Variants in CD300LG observed in about 807,000 individuals in gnomAD.
CD300LG encodes CMRF35-like molecule 9.
Under a neutral mutation model 31.5 loss-of-function variants are expected in CD300LG, and 29 were observed. The ratio of observed to expected loss-of-function variants is 0.92; its 90% CI spans 0.68 to 1.25. The LOEUF (loss-of-function observed/expected upper bound fraction) is 1.25. Ranked by LOEUF, CD300LG falls within the 50% of genes most tolerant of loss-of-function variation. The pLI is 0.00. For synonymous variants in CD300LG, 175 were observed against 177.2 expected (o/e 0.99, Z 0.10); for missense variants, 396 against 417.6 (o/e 0.95, Z 0.45).
chr17:43,860,929 G>A (rs948079036), intron 6 of CD300LG, among the ~76,000 whole-genome samples: 111 of 152,204 alleles, frequency 7.3e-4, no homozygotes, highest in African/African-American at 2.7e-3. Flanking sequence ...GAGCTTCAGA[G>A]AGGTGAGACA....
At chr17:43,850,930 T>A (rs1200121893) in intron 2 of CD300LG, among the ~76,000 whole-genome samples, 1 of 150,032 alleles carries the variant, frequency 6.7e-6, no homozygotes, top group Non-Finnish European at 1.5e-5. Flanking sequence ...AGGTCAGGAG[T>A]TCAAGACCAG....
chr17:43,848,661 CTGGTGCAGGAAGGG>C lies in CD300LG; in HGVS notation c.151_164del (p.Cys51AspfsTer28). ...AAGAGCTGAGGGACCACCGGAAGTA[CTGGTGCAGGAAGGG>C]TGGGATCCTCTTCTCTCGCTGCTCT... is the stretch of plus-strand genomic sequence containing the variant. On this transcript the variant is annotated frameshift_variant, in exon 2 of 7. Coordinates refer to ENST00000317310, the MANE Select transcript of CD300LG (RefSeq NM_145273.4). LOFTEE classifies it high-confidence loss of function. The C allele has an allele frequency of 6.2e-7, 1 of 1,614,144 alleles. No individual in the cohort carries two copies. Among genetic ancestry groups the C allele is most frequent in the Non-Finnish European group, 8.5e-7 (1 of 1,180,024 alleles).
chr17:43,851,712 G>A (rs1015800866), intron 2 of CD300LG, among the ~76,000 whole-genome samples: 4 of 146,606 alleles, frequency 2.7e-5, no homozygotes, highest in African/African-American at 7.7e-5. Flanking sequence ...GCAGTGGCGC[G>A]ATCTCGGCTA....
intron 2 of CD300LG, chr17:43,849,931 T>G (rs1181687910): frequency 1.3e-5 from 2 of 152,220 alleles, no homozygotes; most frequent in African/African-American, 4.8e-5. Flanking sequence ...CCACATTGAA[T>G]CTGTTCTTCA....
At chr17:43,857,620 AG>A in intron 6 of CD300LG, 1 of 1,129,686 alleles carries the variant, frequency 8.9e-7, no homozygotes, top group Non-Finnish European at 1.3e-6. Context: ...TGAACCCTCC[AG>A]GGGTGGGGTC....
chr17:43,861,338 A>G (rs936809567), intron 6 of CD300LG: 1 of 960,982 alleles, frequency 1.0e-6, no homozygotes, highest in Non-Finnish European at 1.2e-6. Flanking sequence ...AAGTGGAAGG[A>G]GGCCTTTTCC....
At position 43,857,110 on chromosome 17, in the gene CD300LG, A is replaced by G. The variant is rs1567854444; in HGVS notation, c.839A>G (p.Gln280Arg). ...HLLLWRKEAQ[Q>R]ATETQRNEKF... Reference sequence around the variant, plus strand: ...CCTTCTACATCTCTTTCAGCTCAACAGGCCACGGAGACACAGAGGAACGAG... The same window carrying G: ...CCTTCTACATCTCTTTCAGCTCAACGGGCCACGGAGACACAGAGGAACGAG... The change falls in exon 6 of 7, where the codon CAG becomes CGG. Residue 280 changes from glutamine (Q) to arginine (R), a missense_variant. Physicochemically the swap from Gln to Arg is conservative, Grantham distance 43. Transcript: ENST00000317310. 2 of 1,614,078 alleles carry G rather than the reference A, an allele frequency of 1.2e-6. No individual in the cohort carries two copies. Among genetic ancestry groups the G allele is most frequent in the Non-Finnish European group, 1.7e-6 (2 of 1,179,978 alleles).
At chr17:43,850,720 T>C (rs2046324314) in intron 2 of CD300LG, among the ~76,000 whole-genome samples, 1 of 152,160 alleles carries the variant, frequency 6.6e-6, no homozygotes, top group Non-Finnish European at 1.5e-5. Flanking sequence ...TCAAGCCATC[T>C]GCCTGCCTCA....
intron 4 of CD300LG, 131 bp downstream of exon 4, chr17:43,854,175 CAG>C (rs1247477505): frequency 2.9e-6 from 2 of 693,780 alleles, no homozygotes; most frequent in African/African-American, 1.8e-5. Context: ...GCCTGCAGCA[CAG>C]AGAGTCCCTC....
At chr17:43,847,312 G>A (rs1261359728) in intron 1 of CD300LG, 53 bp downstream of exon 1, 1 of 1,595,584 alleles carries the variant, frequency 6.3e-7, no homozygotes, top group Non-Finnish European at 8.6e-7. Flanking sequence ...CTTGTGGTCT[G>A]CAGGGAAAGG....
chr17:43,861,855 C>T lies in CD300LG; in HGVS notation c.943C>T (p.Pro315Ser), dbSNP rs913976723. 8 of 1,612,666 alleles carry T rather than the reference C, an allele frequency of 5.0e-6. No individual in the cohort carries two copies. In the African/African-American group the frequency reaches 8.0e-5, roughly 16 times the overall value. ...CCCTGAGGGGGACGTGATCTCGATGCCTCCCCTCCACACATCTGAGGAGGA... is the reference window on the plus strand; with the variant it reads ...CCCTGAGGGGGACGTGATCTCGATGTCTCCCCTCCACACATCTGAGGAGGA... The part of the protein sequence containing the change: ...QAPEGDVISM[P>S]PLHTSEEELG... The change falls in exon 7 of 7, where the codon CCT becomes TCT. Residue 315 changes from proline (P) to serine (S), a missense_variant. Physicochemically the swap from Pro to Ser is moderately conservative, Grantham distance 74. Coordinates refer to ENST00000317310, the MANE Select transcript of CD300LG (RefSeq NM_145273.4).
chr17:43,850,719 C>T (rs2046324195), intron 2 of CD300LG, among the ~76,000 whole-genome samples: 1 of 152,154 alleles, frequency 6.6e-6, no homozygotes, highest in African/African-American at 2.4e-5. Context: ...CTCAAGCCAT[C>T]TGCCTGCCTC....
At chr17:43,852,291 C>G (rs1010579999) in intron 2 of CD300LG, among the ~76,000 whole-genome samples, 2 of 151,850 alleles carry the variant, frequency 1.3e-5, no homozygotes, top group Non-Finnish European at 2.9e-5. Context: ...CTGCAATCAC[C>G]GCAACCTCTC....
At chr17:43,857,995 G>A in intron 6 of CD300LG, 1 of 1,482,112 alleles carries the variant, frequency 6.7e-7, no homozygotes. Context: ...CTCCAACGGA[G>A]GGGGCTGCAG....
chr17:43,847,411 G>A, intron 1 of CD300LG, 152 bp downstream of exon 1: 2 of 747,932 alleles, frequency 2.7e-6, no homozygotes, highest in South Asian at 2.2e-5. Context: ...GGGGGGAGGT[G>A]GGGGTGGCGC....
At chr17:43,847,357 T>G in intron 1 of CD300LG, 98 bp downstream of exon 1, 10 of 731,386 alleles carry the variant, frequency 1.4e-5, no homozygotes, top group Non-Finnish European at 1.7e-5. Context: ...ACCCCACCTA[T>G]CCTCAGCCTC....
chr17:43,848,699 C>T lies in CD300LG; in HGVS notation c.185C>T (p.Ser62Phe), dbSNP rs1336182778. The change falls in exon 2 of 7, where the codon TCT becomes TTT. Residue 62 changes from serine to phenylalanine, a missense_variant. By Grantham distance (155) the Ser-to-Phe change is radical. Transcript: ENST00000317310. ...GGTGGGATCCTCTTCTCTCGCTGCT[C>T]TGGCACCATCTATGCAGAAGAAGAA... is the stretch of plus-strand genomic sequence containing the variant. ...RKGGILFSRC[S>F]GTIYAEEEGQ... 1.9e-6 allele frequency: 3 copies of T among 1,614,020 alleles called. No homozygotes were observed. Among genetic ancestry groups the T allele is most frequent in the South Asian group, 2.2e-5 (2 of 91,086 alleles).
At chr17:43,853,558 G>A (rs555347175) in intron 3 of CD300LG, among the ~76,000 whole-genome samples, 26 of 152,248 alleles carry the variant, frequency 1.7e-4, no homozygotes, top group Admixed American at 3.3e-4. Flanking sequence ...TCCTCACAGA[G>A]GCAACAAGCT....
At chr17:43,851,230 GA>G (rs1245948731) in intron 2 of CD300LG, among the ~76,000 whole-genome samples, 4 of 150,516 alleles carry the variant, frequency 2.7e-5, no homozygotes, top group Non-Finnish European at 5.9e-5. Context: ...CATCTACTTA[GA>G]AAAATCCAAG....
Sources: allele counts gnomAD v4.1 joint callset (sites outside exome capture counted in the v4.1 genomes callset), GRCh38; gene constraint gnomAD v4.1.1; transcripts MANE v1.5; gene names NCBI Gene and HGNC (gene_info 2026-07-23, HGNC 2026-07-21).